PARD3B: variants seen among roughly 807,000 people sequenced by gnomAD.
PARD3B encodes the protein partitioning defective 3 homolog B.
PARD3B carries 103 observed loss-of-function variants against 130.2 expected under a neutral mutation model. The observed-to-expected ratio is 0.79, with a 90% CI of 0.67 to 0.93. The LOEUF (loss-of-function observed/expected upper bound fraction) is 0.93. Ranked by LOEUF, PARD3B falls within the 40% of genes least tolerant of loss-of-function variation. The pLI is 0.00. For missense variants in PARD3B, 1,609 were observed against 1,499.2 expected (o/e 1.07, Z -1.21); for synonymous variants, 583 against 553.2 (o/e 1.05, Z -0.76).
chr2:204,833,911 C>A (rs2043929409), intron 2 of PARD3B, among the ~76,000 whole-genome samples: 1 of 152,118 alleles, frequency 6.6e-6, no homozygotes, highest in Non-Finnish European at 1.5e-5. Context: ...GCCCCACCTA[C>A]CTCTCCAAAT....
chr2:205,145,822 T>TC (rs1553624287), intron 10 of PARD3B, among the ~76,000 whole-genome samples: 2 of 47,114 alleles, frequency 4.2e-5, no homozygotes, highest in Non-Finnish European at 4.3e-5. Context: ...CTCCAAGAAG[T>TC]CAAAAAAAAA....
intron 18 of PARD3B, among the ~76,000 whole-genome samples, chr2:205,365,463 G>A (rs1463373675): frequency 4.7e-5 from 7 of 150,308 alleles, no homozygotes; most frequent in African/African-American, 9.8e-5. Context: ...ACACAGCATC[G>A]AATCCGTTTA....
At chr2:204,567,492 A>T (rs547791257) in intron 1 of PARD3B, among the ~76,000 whole-genome samples, 1 of 152,312 alleles carries the variant, frequency 6.6e-6, no homozygotes, top group Admixed American at 6.5e-5. Context: ...TTATTATTTC[A>T]TTTAGCGTAA....
At chr2:204,898,031 G>T (rs1415831288) in intron 2 of PARD3B, among the ~76,000 whole-genome samples, 1 of 151,778 alleles carries the variant, frequency 6.6e-6, no homozygotes, top group African/African-American at 2.4e-5. Flanking sequence ...GTAATGATTG[G>T]TGCACATGTT....
intron 2 of PARD3B, among the ~76,000 whole-genome samples, chr2:204,864,179 G>GCCGTT: frequency 6.6e-6 from 1 of 152,168 alleles, no homozygotes; most frequent in South Asian, 2.1e-4. Flanking sequence ...ATACTCCTAA[G>GCCGTT]CCGTTCCTGT....
chr2:204,855,168 C>T (rs1231753229), intron 2 of PARD3B, among the ~76,000 whole-genome samples: 2 of 152,132 alleles, frequency 1.3e-5, no homozygotes, highest in African/African-American at 2.4e-5. Context: ...CTGTCTCAGC[C>T]TCCCAAGTAT....
chr2:205,305,925 T>G lies in PARD3B; in HGVS notation c.2630+4224T>G, dbSNP rs1921804. 1.3e-3 allele frequency among the ~76,000 whole-genome samples: 191 copies of G among 152,284 alleles called. 1 individual carries two copies. Among genetic ancestry groups the G allele is most frequent in the African/African-American group, 4.5e-3 (185 of 41,532 alleles). On this transcript the variant is annotated intron_variant, in intron 18 of 22. Coordinates refer to ENST00000406610, the MANE Select transcript of PARD3B (RefSeq NM_001302769.2). The stretch of plus-strand genomic sequence containing the variant: ...CCAACCCCCAGTACTTGTGTAAATA[T>G]TTTGTTACATGACAAAGGAAAATTA...
chr2:205,113,386 G>C, intron 5 of PARD3B, 105 bp from the exon 6 acceptor site: 1 of 609,068 alleles, frequency 1.6e-6, no homozygotes, highest in Non-Finnish European at 2.7e-6. Flanking sequence ...ATATAATCCT[G>C]AGCAGGGGTG....
At chr2:204,772,115 A>G (rs1471115539) in intron 2 of PARD3B, among the ~76,000 whole-genome samples, 1 of 152,082 alleles carries the variant, frequency 6.6e-6, no homozygotes, top group African/African-American at 2.4e-5. Flanking sequence ...GCAATTTCTA[A>G]ATAAGCCTTA....
At position 204,762,795 on chromosome 2, in the gene PARD3B, T is replaced by G. The variant is rs369301160; in HGVS notation, c.222+76513T>G. 1.0e-3 allele frequency among the ~76,000 whole-genome samples: 152 copies of G among 149,712 alleles called. 3 individuals are homozygous for G. The South Asian group carries it at 0.032, about 31-fold the overall frequency. ...TTTTTTTTGAGACAGAGTTTCACTC[T>G]TGTTGCCCAGGCTGGAGTGCAATGG... On this transcript the variant is annotated intron_variant, in intron 2 of 22. Transcript: ENST00000406610.
chr2:205,359,496 T>C (rs1188561584), intron 18 of PARD3B, among the ~76,000 whole-genome samples: 2 of 152,198 alleles, frequency 1.3e-5, no homozygotes, highest in East Asian at 3.9e-4. Context: ...CCTCAGTTCA[T>C]GGCTCTATCG....
At chr2:204,744,901 T>C (rs2125371807) in intron 2 of PARD3B, among the ~76,000 whole-genome samples, 1 of 152,204 alleles carries the variant, frequency 6.6e-6, no homozygotes, top group East Asian at 1.9e-4. Context: ...AAGCAAGTGA[T>C]TGATTAATTG....
chr2:204,637,753 C>T (rs2034937311), intron 1 of PARD3B, among the ~76,000 whole-genome samples: 1 of 150,758 alleles, frequency 6.6e-6, no homozygotes, highest in Non-Finnish European at 1.5e-5. Context: ...CCCTCTGTCC[C>T]CCTTGACCTC....
chr2:205,055,129 T>C (rs993364830), intron 4 of PARD3B, among the ~76,000 whole-genome samples: 1 of 152,192 alleles, frequency 6.6e-6, no homozygotes, highest in Non-Finnish European at 1.5e-5. Flanking sequence ...AATATATGAC[T>C]AGATGATAAA....
rs1050616953 is a variant in PARD3B at position 205,405,063 on chromosome 2, G to A, written c.2741+3940G>A. 4.6e-5 allele frequency among the ~76,000 whole-genome samples: 7 copies of A among 151,730 alleles called. No homozygotes were observed. Among genetic ancestry groups the A allele is most frequent in the South Asian group, 2.1e-4 (1 of 4,802 alleles). ...TATCTACATATCTAATTCCTGATCCGAAACCATTTTGCTGCTATATATGGA... is the reference window on the plus strand; with the variant it reads ...TATCTACATATCTAATTCCTGATCCAAAACCATTTTGCTGCTATATATGGA... On this transcript the variant is annotated intron_variant, in intron 19 of 22. Transcript: ENST00000406610. The surrounding 1 kb of genome is among the most constrained non-coding windows in gnomAD (Gnocchi z 4.1).
chr2:204,939,603 G>T (rs1398252868), intron 2 of PARD3B, among the ~76,000 whole-genome samples: 1 of 152,108 alleles, frequency 6.6e-6, no homozygotes, highest in African/African-American at 2.4e-5. Context: ...TACATTTCAG[G>T]AATCAATATT....
At chr2:204,546,625 C>G (rs995346204) in intron 1 of PARD3B, among the ~76,000 whole-genome samples, 9 of 152,180 alleles carry the variant, frequency 5.9e-5, no homozygotes, top group African/African-American at 2.2e-4. Flanking sequence ...GAGTTTCAGC[C>G]TTGTGAGCTG....
chr2:205,117,325 G>A (rs1389524155), intron 6 of PARD3B, among the ~76,000 whole-genome samples: 3 of 152,178 alleles, frequency 2.0e-5, no homozygotes, highest in Non-Finnish European at 4.4e-5. Context: ...CTGCACACTT[G>A]TGCCTATGAC....
intron 1 of PARD3B, among the ~76,000 whole-genome samples, chr2:204,563,067 T>A (rs2031421125): frequency 1.3e-5 from 2 of 152,170 alleles, no homozygotes; most frequent in South Asian, 4.1e-4. Context: ...AGATTCAAAT[T>A]TAAGGTGTTG....
Sources: allele counts gnomAD v4.1 joint callset (sites outside exome capture counted in the v4.1 genomes callset), GRCh38; gene constraint gnomAD v4.1.1; non-coding constraint Gnocchi (gnomAD v3.1); transcripts MANE v1.5; gene names NCBI Gene and HGNC (gene_info 2026-07-23, HGNC 2026-07-21).